DNAJA3: variants seen among roughly 807,000 people sequenced by gnomAD.
DNAJA3 encodes dnaJ homolog subfamily A member 3, mitochondrial.
Under a neutral mutation model 54.9 loss-of-function variants are expected in DNAJA3, and 29 were observed. The observed-to-expected ratio is 0.53, with a 90% CI of 0.39 to 0.72. The LOEUF is 0.72. Ranked by LOEUF, DNAJA3 falls within the 30% of genes least tolerant of loss-of-function variation. DNAJA3 has a pLI of 0.00. For synonymous variants in DNAJA3, 302 were observed against 251.4 expected, an observed-to-expected ratio of 1.20 and a Z score of -1.90; for missense variants, 708 against 639.4, an observed-to-expected ratio of 1.11 and a Z score of -1.16.
At chr16:4,428,056 A>G (rs2056646619) in intron 1 of DNAJA3, among the ~76,000 whole-genome samples, 1 of 151,552 alleles carries the variant, frequency 6.6e-6, no homozygotes, top group African/African-American at 2.4e-5. Context: ...GGTTCACGCC[A>G]TTCTCCTGCC....
intron 5 of DNAJA3, 76 bp from the exon 6 acceptor site, chr16:4,442,941 T>C (rs2141383688): frequency 6.6e-7 from 1 of 1,522,052 alleles, no homozygotes; most frequent in Non-Finnish European, 9.0e-7. Context: ...ACATTTTTCT[T>C]ACGCACATTG....
intron 4 of DNAJA3, 104 bp from the exon 5 acceptor site, chr16:4,442,164 A>G: frequency 3.3e-6 from 4 of 1,223,534 alleles, no homozygotes. Flanking sequence ...GTGGTGAAAG[A>G]GTGACTGAAA....
intron 2 of DNAJA3, among the ~76,000 whole-genome samples, chr16:4,437,168 G>T (rs537540634): frequency 6.6e-6 from 1 of 152,064 alleles, no homozygotes; most frequent in Non-Finnish European, 1.5e-5. Flanking sequence ...GAGGGGTTTC[G>T]CTGTGTTGCC....
chr16:4,448,248 A>G (rs963105168), intron 8 of DNAJA3, among the ~76,000 whole-genome samples: 8 of 149,554 alleles, frequency 5.3e-5, no homozygotes, highest in South Asian at 2.1e-4. Flanking sequence ...GAAGGTCTCA[A>G]TCACCTGACC....
chr16:4,436,780 C>T (rs1196167581), intron 2 of DNAJA3, among the ~76,000 whole-genome samples: 1 of 152,176 alleles, frequency 6.6e-6, no homozygotes, highest in Admixed American at 6.5e-5. Context: ...TGGTGATCCA[C>T]CCAGCTCAGC....
intron 2 of DNAJA3, among the ~76,000 whole-genome samples, chr16:4,434,882 CTTTCT>C (rs2056753841): frequency 8.1e-6 from 1 of 123,442 alleles, no homozygotes; most frequent in African/African-American, 3.2e-5. Flanking sequence ...ACTTCCTTTC[CTTTCT>C]TTTTTTTTTT....
chr16:4,429,276 T>C (rs1219837245), intron 1 of DNAJA3, among the ~76,000 whole-genome samples: 2 of 151,846 alleles, frequency 1.3e-5, no homozygotes, highest in Non-Finnish European at 2.9e-5. Context: ...ACCATGATCT[T>C]GACTCACCGT....
At chr16:4,445,364 G>A (rs1217263416) in intron 7 of DNAJA3, among the ~76,000 whole-genome samples, 3 of 152,206 alleles carry the variant, frequency 2.0e-5, no homozygotes, top group African/African-American at 4.8e-5. Context: ...AAGGCAGCTT[G>A]CCAGTGGCTG....
At chr16:4,441,228 C>T in intron 3 of DNAJA3, 147 bp from the exon 4 acceptor site, 6 of 690,136 alleles carry the variant, frequency 8.7e-6, no homozygotes, top group East Asian at 8.2e-5. Context: ...AGGTGCTAGT[C>T]ACAGGCCCAC....
intron 6 of DNAJA3, 91 bp downstream of exon 6, chr16:4,443,255 A>G (rs757522281): frequency 6.6e-7 from 1 of 1,504,186 alleles, no homozygotes; most frequent in Non-Finnish European, 9.0e-7. Flanking sequence ...GACAGGGCCG[A>G]GGCCACTGCA....
Position 4,446,875 on chromosome 16 carries a change from T to C in DNAJA3, c.997-11T>C. On this transcript the variant is annotated splice_polypyrimidine_tract_variant and intron_variant, in intron 7 of 11. Coordinates refer to ENST00000262375, the MANE Select transcript of DNAJA3 (RefSeq NM_005147.6). The stretch of plus-strand genomic sequence containing the variant: ...CTTATCTTCACATGCATCTGTCATG[T>C]TTGGCCTTAGGTGCAGAAAAGCCCT... 6.2e-7 allele frequency: 1 copy of C among 1,613,644 alleles called. No homozygotes were observed. The highest frequency in any genetic ancestry group is 8.5e-7 in the Non-Finnish European group (1 of 1,179,840).
At chr16:4,451,061 A>G (rs552950242) in intron 10 of DNAJA3, among the ~76,000 whole-genome samples, 7 of 152,228 alleles carry the variant, frequency 4.6e-5, no homozygotes, top group Admixed American at 1.3e-4. Flanking sequence ...CGTGCTAGCG[A>G]GTGGCTGTGT....
At chr16:4,432,488 A>C (rs1431755414) in intron 1 of DNAJA3, among the ~76,000 whole-genome samples, 2 of 151,508 alleles carry the variant, frequency 1.3e-5, no homozygotes, top group Non-Finnish European at 2.9e-5. Context: ...GATTACAGGC[A>C]TGTACCACCA....
chr16:4,439,182 G>A (rs1408383748), intron 3 of DNAJA3, among the ~76,000 whole-genome samples: 4 of 151,942 alleles, frequency 2.6e-5, no homozygotes, highest in Non-Finnish European at 5.9e-5. Flanking sequence ...GCAATATGGT[G>A]AAACCCCATC....
intron 11 of DNAJA3, 63 bp downstream of exon 11, chr16:4,454,990 TC>T: frequency 8.3e-7 from 1 of 1,199,918 alleles, no homozygotes; most frequent in Non-Finnish European, 1.2e-6. Flanking sequence ...CCTGGTTTTC[TC>T]CCACTTTAAC....
Position 4,455,708 on chromosome 16 carries a change from C to CTGTGACCTTTCCGT in DNAJA3, c.*176_*177insTGTGACCTTTCCGT. On this transcript the variant is annotated 3_prime_UTR_variant, in exon 12 of 12. Coordinates refer to ENST00000262375, the MANE Select transcript of DNAJA3 (RefSeq NM_005147.6). Reference sequence around the variant, plus strand: ...AATCATGGGACAACACCTCTCTCCACGGAAAGGTCACAGTGGACAGCCCGG... The same window carrying CTGTGACCTTTCCGT: ...AATCATGGGACAACACCTCTCTCCACTGTGACCTTTCCGTGGAAAGGTCACAGTGGACAGCCCGG... 1.0e-6 allele frequency: 1 copy of CTGTGACCTTTCCGT among 972,670 alleles called. No homozygotes were observed. The highest frequency in any genetic ancestry group is 1.6e-6 in the Non-Finnish European group (1 of 637,522). The allele number at this position is 972,670 out of a possible 1,614,324, so 60.3% of individuals were successfully genotyped here.
chr16:4,436,506 C>T (rs1323094891), intron 2 of DNAJA3, among the ~76,000 whole-genome samples: 1 of 152,134 alleles, frequency 6.6e-6, no homozygotes, highest in East Asian at 1.9e-4. Context: ...GCAGAGACGT[C>T]TATTTATTCA....
intron 3 of DNAJA3, among the ~76,000 whole-genome samples, chr16:4,439,655 C>T (rs62039180): frequency 0.04 from 6,050 of 152,236 alleles, 177 homozygotes; most frequent in Non-Finnish European, 0.063. Flanking sequence ...TGACTTCTGT[C>T]TTCAAGGGGG....
intron 1 of DNAJA3, among the ~76,000 whole-genome samples, chr16:4,430,012 A>G (rs2056676432): frequency 1.3e-5 from 2 of 151,662 alleles, no homozygotes; most frequent in South Asian, 2.1e-4. Context: ...AAAAATTAAT[A>G]AAGTCATCAA....
Sources: gnomAD v4.1 joint callset for allele counts (sites outside exome capture counted in the v4.1 genomes callset) on GRCh38, gnomAD v4.1.1 for gene constraint, MANE v1.5 for transcripts, NCBI Gene and HGNC (gene_info 2026-07-23, HGNC 2026-07-21) for gene names.